WNT16: variants seen among roughly 807,000 people sequenced by gnomAD.
The protein encoded by WNT16 is protein Wnt-16.
A neutral mutation model predicts 35.4 loss-of-function variants in WNT16; 20 were observed. The ratio of observed to expected loss-of-function variants is 0.56; its 90% CI spans 0.40 to 0.82. The LOEUF is 0.82. Among genes scored for constraint, WNT16 ranks in the 40% least tolerant of loss-of-function variants. The probability of loss-of-function intolerance (pLI) is 0.00; values close to 1 mark genes in which losing one functional copy is unlikely to be tolerated. For missense variants in WNT16, 461 were observed against 466.0 expected (o/e 0.99, Z 0.10); for synonymous variants, 180 against 179.2 (o/e 1.00, Z -0.03).
At chr7:121,331,557 C>G in intron 2 of WNT16, 121 bp from the exon 3 acceptor site, 1 of 815,848 alleles carries the variant, frequency 1.2e-6, no homozygotes, top group Non-Finnish European at 1.9e-6. Context: ...TACTCGTTAA[C>G]GCATCCATTG....
chr7:121,331,699 T>C lies in WNT16; in HGVS notation c.368T>C (p.Ile123Thr). 2.5e-6 allele frequency: 4 copies of C among 1,610,960 alleles called. No homozygotes were observed. The highest frequency in any genetic ancestry group is 3.4e-6 in the Non-Finnish European group (4 of 1,177,254). Reference sequence around the variant, plus strand: ...CTAGGCACCAAAGAGACAGCATTTATTTATGCTGTGATGGCTGCAGGCCTG... The same window carrying C: ...CTAGGCACCAAAGAGACAGCATTTACTTATGCTGTGATGGCTGCAGGCCTG... ...LSSGTKETAF[I>T]YAVMAAGLVH... Residue 123 changes from isoleucine to threonine, a missense_variant, in exon 3 of 4, where the codon ATT becomes ACT. Ile to Thr is a moderately conservative substitution (Grantham distance 89). Transcript: ENST00000222462.
In WNT16 at chr7:121,329,027, A is replaced by G. The variant is rs1793290050; in HGVS notation, c.-266A>G. 5.7e-6 allele frequency: 7 copies of G among 1,219,022 alleles called. No homozygotes were observed. Among genetic ancestry groups the G allele is most frequent in the Non-Finnish European group, 6.1e-6 (6 of 977,976 alleles). The allele number at this position is 1,219,022 out of a possible 1,614,324, so 75.5% of individuals were successfully genotyped here. On this transcript the variant is annotated 5_prime_UTR_variant, in exon 1 of 4. Coordinates refer to ENST00000222462, the MANE Select transcript of WNT16 (RefSeq NM_057168.2). ...CAGAAGTTTCTCACCTAGGAATGCG[A>G]GGGGCGCTCCCGCATCTCCTGCACA...
chr7:121,329,080 C>T lies in WNT16; in HGVS notation c.-213C>T. On this transcript the variant is annotated 5_prime_UTR_variant, in exon 1 of 4. Coordinates refer to ENST00000222462, the MANE Select transcript of WNT16 (RefSeq NM_057168.2). Reference sequence around the variant, plus strand: ...TCCACCCCTGCGCAGGAGGAGATCCCCAGGCTGCTCTCTCCATCTCTCCTA... The same window carrying T: ...TCCACCCCTGCGCAGGAGGAGATCCTCAGGCTGCTCTCTCCATCTCTCCTA... 1 of 1,297,368 alleles carries T rather than the reference C, an allele frequency of 7.7e-7. No homozygotes were observed. The highest frequency in any genetic ancestry group is 9.8e-7 in the Non-Finnish European group (1 of 1,023,656). 80.4% of individuals were successfully genotyped at this position (1,297,368 alleles called of 1,614,324 possible).
intron 3 of WNT16, among the ~76,000 whole-genome samples, chr7:121,332,474 G>C (rs1793366722): frequency 6.6e-6 from 1 of 152,136 alleles, no homozygotes; most frequent in Non-Finnish European, 1.5e-5. Flanking sequence ...CTTAGTCGTG[G>C]AGTCAGAATA....
At chr7:121,327,597 A>G (rs915236314), upstream of WNT16, among the ~76,000 whole-genome samples, 3 of 152,160 alleles carry the variant, frequency 2.0e-5, no homozygotes, top group Admixed American at 2.0e-4. Flanking sequence ...TGATCCGCCC[A>G]TCTTGGCCTC....
chr7:121,325,476 C>G, upstream of WNT16: 5 of 1,613,156 alleles, frequency 3.1e-6, no homozygotes, highest in Non-Finnish European at 4.2e-6. Flanking sequence ...AAAGACCTCC[C>G]TATGGTGGGT....
chr7:121,338,378 G>A (rs1347879204), intron 3 of WNT16, among the ~76,000 whole-genome samples: 1 of 152,128 alleles, frequency 6.6e-6, no homozygotes, highest in Non-Finnish European at 1.5e-5. Flanking sequence ...AAATTTTAAT[G>A]ACAATCTTGT....
chr7:121,326,510 C>T (rs983635044), upstream of WNT16, among the ~76,000 whole-genome samples: 3 of 152,090 alleles, frequency 2.0e-5, no homozygotes, highest in African/African-American at 7.2e-5. Flanking sequence ...CTGAGTGCAC[C>T]CCAAAGGCTT....
chr7:121,339,067 C>A lies in WNT16; in HGVS notation c.820C>A (p.Gln274Lys), dbSNP rs753293526. 7 of 1,613,990 alleles carry A rather than the reference C, an allele frequency of 4.3e-6. No homozygotes were observed. The South Asian group carries it at 6.6e-5, about 15-fold the overall frequency. ...GAAAATGCGCAGGAGAGAAAAAGAT[C>A]AGAGGAAAATACCAATCCATAAGGA... ...KRKMRRREKD[Q>K]RKIPIHKDDL... Residue 274 changes from glutamine to lysine, a missense_variant, in exon 4 of 4, where the codon CAG (glutamine) becomes AAG (lysine). Gln to Lys is a moderately conservative substitution (Grantham distance 53). Transcript: ENST00000222462.
At chr7:121,335,836 C>T (rs574382730) in intron 3 of WNT16, among the ~76,000 whole-genome samples, 1 of 152,086 alleles carries the variant, frequency 6.6e-6, no homozygotes, top group South Asian at 2.1e-4. Context: ...CTTAATCAGA[C>T]TTTATTTTTC....
At chr7:121,327,155 C>T (rs1793258167), upstream of WNT16, among the ~76,000 whole-genome samples, 2 of 152,164 alleles carry the variant, frequency 1.3e-5, no homozygotes, top group Admixed American at 1.3e-4. Flanking sequence ...CAAAATATTT[C>T]TGGATCAGTA....
intron 3 of WNT16, among the ~76,000 whole-genome samples, chr7:121,338,390 A>T (rs991259062): frequency 6.6e-6 from 1 of 152,194 alleles, no homozygotes; most frequent in Non-Finnish European, 1.5e-5. Context: ...CAATCTTGTT[A>T]AAAATGCAGC....
Position 121,339,493 on chromosome 7 carries a change from T to G in WNT16, c.*148T>G. On this transcript the variant is annotated 3_prime_UTR_variant, in exon 4 of 4. Transcript: ENST00000222462. The stretch of plus-strand genomic sequence containing the variant: ...GGACCTGAGAGTTTCCCTTACCTGA[T>G]CGACATATTTTCCTTTATCTGATCA... 1 of 659,144 alleles carries G rather than the reference T, an allele frequency of 1.5e-6. No individual in the cohort carries two copies. The allele number at this position is 659,144 out of a possible 1,614,324, so 40.8% of individuals were successfully genotyped here. A position where few individuals can be genotyped will look rare whatever the true frequency, so the allele number is the denominator to read the frequency against.
intron 2 of WNT16, 141 bp downstream of exon 2, chr7:121,329,958 A>G: frequency 7.6e-7 from 1 of 1,318,360 alleles, no homozygotes; most frequent in Non-Finnish European, 1.0e-6. Flanking sequence ...ACGGGGATTG[A>G]GAGCTACAAA....
intron 3 of WNT16, among the ~76,000 whole-genome samples, chr7:121,337,932 A>G (rs544290398): frequency 6.6e-6 from 1 of 152,366 alleles, no homozygotes; most frequent in Non-Finnish European, 1.5e-5. Context: ...CCATGCTAGG[A>G]TAATGCTACT....
chr7:121,331,658 G>A lies in WNT16; in HGVS notation c.347-20G>A. ...AGAAGTTGCCTGGTTCTCTAATTTA[G>A]CAATTTATATTTTTTCTAGGCACCA... On this transcript the variant is annotated intron_variant, in intron 2 of 3. Transcript: ENST00000222462. 1 of 1,596,040 alleles carries A rather than the reference G, an allele frequency of 6.3e-7. No individual in the cohort carries two copies. Among genetic ancestry groups the A allele is most frequent in the South Asian group, 1.1e-5 (1 of 90,308 alleles).
upstream of WNT16, chr7:121,328,943 C>A (rs1793287122): frequency 2.4e-6 from 2 of 831,726 alleles, no homozygotes; most frequent in African/African-American, 3.6e-5. Flanking sequence ...GCTCCAGGCG[C>A]GGCCAGGGGG....
At chr7:121,338,712 C>T (rs769312742) in intron 3 of WNT16, among the ~76,000 whole-genome samples, 169 bp from the exon 4 acceptor site, 40 of 152,150 alleles carry the variant, frequency 2.6e-4, no homozygotes, top group Admixed American at 2.5e-3. Context: ...AACCAAAGGA[C>T]GAAACATTTG....
intron 3 of WNT16, among the ~76,000 whole-genome samples, chr7:121,332,555 TA>T (rs1345580640): frequency 4.6e-5 from 7 of 152,186 alleles, no homozygotes; most frequent in African/African-American, 9.6e-5. Flanking sequence ...ATTTTTATGA[TA>T]TTTTTTTAAA....
Sources: allele counts gnomAD v4.1 joint callset (sites outside exome capture counted in the v4.1 genomes callset), GRCh38; gene constraint gnomAD v4.1.1; transcripts MANE v1.5; gene names NCBI Gene and HGNC (gene_info 2026-07-23, HGNC 2026-07-21).